Variants in KANK1 observed in about 807,000 individuals in gnomAD.
KANK1 encodes the protein KN motif and ankyrin repeat domain-containing protein 1.
A neutral mutation model predicts 106.2 loss-of-function variants in KANK1; 109 were observed. The observed-to-expected ratio is 1.03, with a 90% CI of 0.88 to 1.20. The LOEUF (loss-of-function observed/expected upper bound fraction) is 1.20. KANK1 is among the 50% of genes most tolerant of loss of function. The pLI is 0.00. For synonymous variants in KANK1, 873 were observed against 652.2 expected, an observed-to-expected ratio of 1.34 and a Z score of -5.16; for missense variants, 2,399 against 1,710.7, an observed-to-expected ratio of 1.40 and a Z score of -7.10.
chr9:476,053 A>C (rs2058097220), intron 3 of KANK1, among the ~76,000 whole-genome samples: 1 of 151,756 alleles, frequency 6.6e-6, no homozygotes, highest in African/African-American at 2.4e-5. Context: ...AGTTTTCGCC[A>C]CATTGACCAA....
At chr9:528,959 C>T (rs1324004100) in intron 1 of KANK1, among the ~76,000 whole-genome samples, 2 of 152,058 alleles carry the variant, frequency 1.3e-5, no homozygotes, top group Non-Finnish European at 2.9e-5. Context: ...ACCACCACGT[C>T]CAGCTAATTT....
chr9:525,736 G>T lies in KANK1; in HGVS notation c.-84+20982G>T, dbSNP rs144389561. On this transcript the variant is annotated intron_variant, in intron 1 of 11. Coordinates refer to ENST00000382297, the MANE Select transcript of KANK1 (RefSeq NM_015158.5). ...AAGTGTTGCATTTTTATTTAAGGAG[G>T]CATGTGGTGATGTTAGCCCTGTGAT... Among the ~76,000 whole-genome samples the T allele has an allele frequency of 9.2e-3, 1,397 of 151,574 alleles. 14 individuals are homozygous for T. The highest frequency in any genetic ancestry group is 0.015 in the Non-Finnish European group (1,030 of 67,982).
intron 1 of KANK1, among the ~76,000 whole-genome samples, chr9:529,234 T>TATATAC (rs1554613765): frequency 1.3e-4 from 19 of 148,704 alleles, no homozygotes; most frequent in African/African-American, 4.5e-4. Context: ...TATATATATA[T>TATATAC]ACACACACAC....
chr9:622,862 A>G (rs150216432), intron 1 of KANK1, among the ~76,000 whole-genome samples: 2,935 of 152,210 alleles, frequency 0.019, 89 homozygotes, highest in African/African-American at 0.066. Context: ...AGATCATGCC[A>G]TTGCACTCCA....
chr9:504,014 C>G (rs966169621), upstream of KANK1, among the ~76,000 whole-genome samples: 2 of 152,150 alleles, frequency 1.3e-5, no homozygotes, highest in African/African-American at 4.8e-5. Flanking sequence ...AAGGGAGGTG[C>G]CCTTGGAGGC....
chr9:744,724 G>C (rs1836744552), intron 11 of KANK1, 135 bp downstream of exon 11: 1 of 1,555,400 alleles, frequency 6.4e-7, no homozygotes, highest in Non-Finnish European at 8.7e-7. Flanking sequence ...GAGCTTAAGA[G>C]TTCATCCTTT....
chr9:744,589 G>A lies in KANK1; in HGVS notation c.3996G>A (p.Pro1332=), dbSNP rs115382946. The change falls in exon 11 of 12, where the codon CCG becomes CCA. Residue 1332 remains proline, a splice_region_variant and synonymous_variant. Transcript: ENST00000382297. ...AHVNFAKAQS[P]GTPRLGRKTS... is the part of the protein sequence containing the mutation. ...TCAACTTTGCAAAAGCCCAGTCTCCGGTCAGTGTTGTGCATTTGGCATTTG... is the reference window on the plus strand; with the variant it reads ...TCAACTTTGCAAAAGCCCAGTCTCCAGTCAGTGTTGTGCATTTGGCATTTG... 282 of 1,613,944 alleles carry A rather than the reference G, an allele frequency of 1.7e-4. No homozygotes were observed. The highest frequency in any genetic ancestry group is 2.0e-4 in the Non-Finnish European group (238 of 1,180,006).
chr9:645,896 A>G (rs1445040746), intron 1 of KANK1, among the ~76,000 whole-genome samples: 2 of 150,976 alleles, frequency 1.3e-5, no homozygotes, highest in East Asian at 3.8e-4. Flanking sequence ...CAACAAAAAC[A>G]AAGCATTAGG....
intron 1 of KANK1, among the ~76,000 whole-genome samples, chr9:640,978 G>T (rs1346613417): frequency 6.6e-6 from 1 of 152,222 alleles, no homozygotes; most frequent in Non-Finnish European, 1.5e-5. Flanking sequence ...TTACAGGCGT[G>T]AGCCACCGCG....
intron 8 of KANK1, 70 bp downstream of exon 8, chr9:738,574 G>A: frequency 8.2e-7 from 1 of 1,224,284 alleles, no homozygotes; most frequent in Non-Finnish European, 1.2e-6. Flanking sequence ...CAGAGAACCT[G>A]GTTGAGCCAC....
chr9:615,638 T>C (rs901422968), intron 1 of KANK1, among the ~76,000 whole-genome samples: 11 of 152,210 alleles, frequency 7.2e-5, no homozygotes, highest in African/African-American at 2.4e-4. Context: ...AATTAATTGG[T>C]GTGCTTTCAG....
chr9:520,955 A>C (rs989818415), intron 1 of KANK1, among the ~76,000 whole-genome samples: 2 of 151,800 alleles, frequency 1.3e-5, no homozygotes, highest in African/African-American at 2.4e-5. Flanking sequence ...TGGTTTTGGC[A>C]GCCAATTAAC....
chr9:514,266 CCCTTCCTT>C (rs1178839452), intron 1 of KANK1, among the ~76,000 whole-genome samples: 3 of 110,936 alleles, frequency 2.7e-5, no homozygotes, highest in African/African-American at 6.3e-5. Flanking sequence ...CTCCGTCCCT[CCCTTCCTT>C]CCTTCCTTCC....
intron 7 of KANK1, chr9:735,667 TGCCA>T: frequency 2.9e-6 from 1 of 348,482 alleles, no homozygotes; most frequent in South Asian, 2.3e-5. Context: ...CTTTAAATTC[TGCCA>T]TATATTTTAA....
intron 1 of KANK1, among the ~76,000 whole-genome samples, chr9:530,510 T>C (rs142540427): frequency 8.9e-4 from 135 of 152,174 alleles, no homozygotes; most frequent in African/African-American, 3.1e-3. Flanking sequence ...TATGTGTCTG[T>C]TTCTTGACTT....
intron 3 of KANK1, among the ~76,000 whole-genome samples, chr9:486,325 G>C (rs2058292500): frequency 6.6e-6 from 1 of 152,182 alleles, no homozygotes; most frequent in African/African-American, 2.4e-5. Context: ...ATTTGATCCT[G>C]TCTTTCCTCT....
chr9:492,964 C>T (rs1402560659), intron 3 of KANK1, among the ~76,000 whole-genome samples: 3 of 147,844 alleles, frequency 2.0e-5, no homozygotes. Flanking sequence ...GCAGAGGTTG[C>T]GGTGAGCTGA....
chr9:527,436 G>A (rs1318556320), intron 1 of KANK1, among the ~76,000 whole-genome samples: 1 of 151,658 alleles, frequency 6.6e-6, no homozygotes, highest in African/African-American at 2.4e-5. Flanking sequence ...CAAGTAGCTG[G>A]GATTACAGGC....
chr9:561,850 A>G (rs1270438155), intron 1 of KANK1, among the ~76,000 whole-genome samples: 1 of 152,230 alleles, frequency 6.6e-6, no homozygotes. Flanking sequence ...TGTAACAGAG[A>G]AAATACTGCA....
Sources: gnomAD v4.1 joint callset for allele counts (sites outside exome capture counted in the v4.1 genomes callset) on GRCh38, gnomAD v4.1.1 for gene constraint, MANE v1.5 for transcripts, NCBI Gene and HGNC (gene_info 2026-07-23, HGNC 2026-07-21) for gene names.